SYT2: variants seen among roughly 807,000 people sequenced by gnomAD.
SYT2 encodes the protein synaptotagmin-2.
Under a neutral mutation model 39.9 loss-of-function variants are expected in SYT2, and 15 were observed. That is an observed-to-expected ratio of 0.38 (90% CI 0.25 to 0.58). The LOEUF (loss-of-function observed/expected upper bound fraction) is 0.58, where lower values mean the gene tolerates loss of function less well. SYT2 is among the 20% of genes least tolerant of loss of function. The probability of loss-of-function intolerance (pLI) is 0.70; values close to 1 mark genes in which losing one functional copy is unlikely to be tolerated. For synonymous variants in SYT2, 181 were observed against 204.5 expected, an observed-to-expected ratio of 0.89 and a Z score of 0.98; for missense variants, 389 against 530.3, an observed-to-expected ratio of 0.73 and a Z score of 2.62.
intron 1 of SYT2, among the ~76,000 whole-genome samples, chr1:202,698,364 A>G (rs11588808): frequency 0.32 from 48,273 of 151,846 alleles, 7,782 homozygotes; most frequent in South Asian, 0.43. Context: ...TGTGCTCCCC[A>G]TTATGCCAGG....
chr1:202,609,623 C>T (rs1175019213), intron 1 of SYT2, among the ~76,000 whole-genome samples: 1 of 152,208 alleles, frequency 6.6e-6, no homozygotes, highest in Admixed American at 6.5e-5. Flanking sequence ...TTTTGATTTG[C>T]GTTTCTCTGA....
In SYT2 at chr1:202,624,970, ATG is replaced by A. The variant is rs1368986592; in HGVS notation, c.-17-19183_-17-19182del. ...AGTGTGTGTGGTGTCTGTGTGTGGCATGTGTGGTGTGTGTAGTGTGGTGTGTG... is the reference window on the plus strand; with the variant it reads ...AGTGTGTGTGGTGTCTGTGTGTGGCATGTGGTGTGTGTAGTGTGGTGTGTG... On this transcript the variant is annotated intron_variant, in intron 1 of 8. Coordinates refer to ENST00000367268, the MANE Select transcript of SYT2 (RefSeq NM_177402.5). 2.2e-4 allele frequency among the ~76,000 whole-genome samples: 12 copies of A among 54,960 alleles called. No homozygotes were observed. In the South Asian group the frequency reaches 2.7e-3, roughly 12 times the overall value. 36.1% of individuals were successfully genotyped at this position (54,960 alleles called of 152,430 possible).
At chr1:202,597,051 G>A (rs541172268) in intron 8 of SYT2, 88 bp from the exon 9 acceptor site, 12 of 1,194,206 alleles carry the variant, frequency 1.0e-5, no homozygotes, top group Non-Finnish European at 1.3e-5. Context: ...TACTCCCAAT[G>A]ATTGGGAAGG....
intron 1 of SYT2, among the ~76,000 whole-genome samples, chr1:202,650,746 G>A (rs536489969): frequency 3.7e-4 from 57 of 152,306 alleles, no homozygotes; most frequent in South Asian, 8.3e-4. Context: ...AGTGCAGCAC[G>A]GGGAAAACAG....
At chr1:202,609,925 C>G (rs947463186) in intron 1 of SYT2, among the ~76,000 whole-genome samples, 9 of 152,158 alleles carry the variant, frequency 5.9e-5, no homozygotes, top group African/African-American at 2.2e-4. Context: ...CTTTTGTTGC[C>G]ATTGCTTTTG....
intron 1 of SYT2, chr1:202,639,647 C>G: frequency 1.0e-6 from 1 of 985,472 alleles, no homozygotes; most frequent in Non-Finnish European, 1.2e-6. Flanking sequence ...TGCTGGCTTG[C>G]GTTCCCTCAT....
At chr1:202,677,050 T>C (rs1281860998) in intron 1 of SYT2, among the ~76,000 whole-genome samples, 1 of 152,182 alleles carries the variant, frequency 6.6e-6, no homozygotes, top group Non-Finnish European at 1.5e-5. Flanking sequence ...AGTACCTGCT[T>C]CTCCTTCACT....
chr1:202,637,012 C>G (rs558964780), intron 1 of SYT2, among the ~76,000 whole-genome samples: 1 of 152,274 alleles, frequency 6.6e-6, no homozygotes, highest in African/African-American at 2.4e-5. Flanking sequence ...CCTCATATCC[C>G]AAGTCTCACT....
chr1:202,658,328 G>A (rs1692315946), intron 1 of SYT2, among the ~76,000 whole-genome samples: 1 of 152,196 alleles, frequency 6.6e-6, no homozygotes, highest in Non-Finnish European at 1.5e-5. Context: ...GCAATAACCA[G>A]AGTGTGCGGC....
intron 1 of SYT2, among the ~76,000 whole-genome samples, chr1:202,695,719 T>G (rs1653957610): frequency 6.6e-6 from 1 of 152,188 alleles, no homozygotes; most frequent in Admixed American, 6.5e-5. Context: ...GAGAAGAGAT[T>G]CATGGACTTG....
At chr1:202,618,047 T>C (rs1691094608) in intron 1 of SYT2, among the ~76,000 whole-genome samples, 1 of 152,028 alleles carries the variant, frequency 6.6e-6, no homozygotes, top group Non-Finnish European at 1.5e-5. Context: ...GGATTACAGG[T>C]GCCCACCACA....
At chr1:202,670,417 G>A (rs942813392) in intron 1 of SYT2, among the ~76,000 whole-genome samples, 1 of 152,168 alleles carries the variant, frequency 6.6e-6, no homozygotes, top group African/African-American at 2.4e-5. Flanking sequence ...TGAAAACTGT[G>A]GTGGGGCTTC....
At chr1:202,693,244 T>C (rs1653885067) in intron 1 of SYT2, among the ~76,000 whole-genome samples, 1 of 152,146 alleles carries the variant, frequency 6.6e-6, no homozygotes, top group African/African-American at 2.4e-5. Context: ...CTACGGAGGA[T>C]TCAGGGGCAA....
intron 1 of SYT2, among the ~76,000 whole-genome samples, chr1:202,676,857 T>C (rs918731728): frequency 1.3e-5 from 2 of 152,202 alleles, no homozygotes; most frequent in Non-Finnish European, 2.9e-5. Context: ...CCCACCCAAA[T>C]CTCATGTCTA....
At position 202,623,205 on chromosome 1, in the gene SYT2, C is replaced by T. The variant is rs545728216; in HGVS notation, c.-17-17416G>A. ...CAACTTGAAACAGGACAGAGAAGCC[C>T]GCCATCCCCATGGGAGAGGAGCTGG... On this transcript the variant is annotated intron_variant, in intron 1 of 8. Transcript: ENST00000367268. This position sits in a 1 kb window ranked among gnomAD's most constrained non-coding sequence, Gnocchi z 4.2. 3.4e-5 allele frequency among the ~76,000 whole-genome samples: 5 copies of T among 148,484 alleles called. No individual in the cohort carries two copies. Among genetic ancestry groups the T allele is most frequent in the East Asian group, 1.9e-4 (1 of 5,180 alleles).
chr1:202,601,911 C>T lies in SYT2; in HGVS notation c.780G>A (p.Leu260=). ...LGQPIEEWRD[L]QGGEKEEPEK... is the part of the protein sequence containing the mutation. Reference sequence around the variant, plus strand: ...TTACCTCCTCCTTTTCCCCGCCTTGCAGGTCTCTCCACTCCTCAATGGGCT... The same window carrying T: ...TTACCTCCTCCTTTTCCCCGCCTTGTAGGTCTCTCCACTCCTCAATGGGCT... Residue 260 remains leucine, a synonymous_variant, in exon 6 of 9, where the codon CTG becomes CTA. Coordinates refer to ENST00000367268, the MANE Select transcript of SYT2 (RefSeq NM_177402.5). The surrounding 1 kb of genome is among the most constrained non-coding windows in gnomAD (Gnocchi z 4.0). The T allele has an allele frequency of 6.2e-7, 1 of 1,614,078 alleles. No individual in the cohort carries two copies. The highest frequency in any genetic ancestry group is 8.5e-7 in the Non-Finnish European group (1 of 1,179,984).
intron 1 of SYT2, among the ~76,000 whole-genome samples, chr1:202,703,249 C>T (rs1287922850): frequency 6.6e-6 from 1 of 151,942 alleles, no homozygotes; most frequent in Non-Finnish European, 1.5e-5. Context: ...TTGACGCTAC[C>T]ACCCTCCCAC....
intron 1 of SYT2, among the ~76,000 whole-genome samples, chr1:202,618,902 GA>G: frequency 6.6e-6 from 1 of 152,280 alleles, no homozygotes; most frequent in Non-Finnish European, 1.5e-5. Context: ...TAAAAAGAAG[GA>G]AAACAGCAGG....
intron 1 of SYT2, among the ~76,000 whole-genome samples, chr1:202,685,875 T>G (rs1653652892): frequency 6.6e-6 from 1 of 151,962 alleles, no homozygotes; most frequent in Non-Finnish European, 1.5e-5. Flanking sequence ...GGCGAGGGAA[T>G]GAGATCATCC....
Sources: gnomAD v4.1 joint callset for allele counts (sites outside exome capture counted in the v4.1 genomes callset) on GRCh38, gnomAD v4.1.1 for gene constraint, Gnocchi (gnomAD v3.1) non-coding constraint, MANE v1.5 for transcripts, NCBI Gene and HGNC (gene_info 2026-07-23, HGNC 2026-07-21) for gene names.